The following MZT2B variants were observed in gnomAD, a reference collection of about 807,000 sequenced individuals.
The protein encoded by MZT2B is mitotic spindle organizing protein 2B, also known as mitotic-spindle organizing protein 2B.
Under a neutral mutation model 12.1 loss-of-function variants are expected in MZT2B, and 11 were observed. The observed-to-expected ratio is 0.91, with a 90% CI of 0.57 to 1.50. MZT2B has a LOEUF of 1.50. Among genes scored for constraint, MZT2B ranks in the 40% most tolerant of loss-of-function variants. The pLI is 0.00. For missense variants in MZT2B, 209 were observed against 227.7 expected, an observed-to-expected ratio of 0.92 and a Z score of 0.53; for synonymous variants, 85 against 109.5, an observed-to-expected ratio of 0.78 and a Z score of 1.40.
chr2:130,187,831 TTAAAG>T (rs1347715537), intron 2 of MZT2B, among the ~76,000 whole-genome samples: 1 of 152,078 alleles, frequency 6.6e-6, no homozygotes, highest in Non-Finnish European at 1.5e-5. Context: ...CAGTTATGGC[TTAAAG>T]TTATGTTGGT....
chr2:130,182,495 C>T (rs1341693871), intron 1 of MZT2B, 43 bp downstream of exon 1: 1 of 1,540,884 alleles, frequency 6.5e-7, no homozygotes, highest in Non-Finnish European at 8.8e-7. Flanking sequence ...CAGACACCCC[C>T]CGACCTCTGC....
rs370291415 is a variant in MZT2B, at chr2:130,190,524, C to G, written c.375C>G (p.Ser125Arg). Residue 125 changes from serine (S) to arginine (R), a missense_variant, in exon 3 of 3, where the codon AGC becomes AGG. Coordinates refer to ENST00000281871, the MANE Select transcript of MZT2B (RefSeq NM_025029.5). ...GAGCATTGGCCCTGGCGGAACGCAG[C>G]AGCCGCGAAGGATCCAGCCAGAGGA... ...LGGALALAER[S>R]SREGSSQRMP... is the part of the protein sequence containing the mutation. The G allele has an allele frequency of 1.2e-6, 2 of 1,613,728 alleles. No homozygotes were observed. The highest frequency in any genetic ancestry group is 1.3e-5 in the African/African-American group (1 of 74,934).
chr2:130,181,830 C>G (rs1238610301), upstream of MZT2B: 4 of 1,543,226 alleles, frequency 2.6e-6, no homozygotes, highest in African/African-American at 4.1e-5. Flanking sequence ...TCCGCGTGCG[C>G]GTAAGCAGTA....
In MZT2B at chr2:130,182,275, C is replaced by T; in HGVS notation, c.-8C>T. 1 of 1,310,538 alleles carries T rather than the reference C, an allele frequency of 7.6e-7. No individual in the cohort carries two copies. Among genetic ancestry groups the T allele is most frequent in the Non-Finnish European group, 9.6e-7 (1 of 1,038,978 alleles). 81.2% of individuals were successfully genotyped at this position (1,310,538 alleles called of 1,614,324 possible). A position where few individuals can be genotyped will look rare whatever the true frequency, so the allele number is the denominator to read the frequency against. ...GGGGCGGAGCGCACCTTTCCGCGGG[C>T]CGCGGGGATGGCGGCGCAGGGCGTA... On this transcript the variant is annotated 5_prime_UTR_variant, in exon 1 of 3. Coordinates refer to ENST00000281871, the MANE Select transcript of MZT2B (RefSeq NM_025029.5).
At chr2:130,183,053 T>A in intron 2 of MZT2B, 1 of 565,394 alleles carries the variant, frequency 1.8e-6, no homozygotes, top group Non-Finnish European at 3.1e-6. Flanking sequence ...CACTCAGGCC[T>A]TCATCCTACA....
chr2:130,203,125 A>G, the MZT2B span, among the ~76,000 whole-genome samples: 1 of 140,926 alleles, frequency 7.1e-6, no homozygotes, highest in East Asian at 2.1e-4. Context: ...CTCACTGCAT[A>G]GGCTCTGTTT....
At chr2:130,197,507 AAG>A in the MZT2B span, among the ~76,000 whole-genome samples, 3 of 108,580 alleles carry the variant, frequency 2.8e-5, no homozygotes, top group African/African-American at 4.4e-5. Context: ...AAAAAAAAAA[AAG>A]AAAAGAAAAG....
chr2:130,195,829 C>T, the MZT2B span, among the ~76,000 whole-genome samples: 2 of 152,342 alleles, frequency 1.3e-5, no homozygotes, highest in African/African-American at 2.4e-5. Context: ...GCACAGCATT[C>T]GGGAGGGAAC....
intron 2 of MZT2B, chr2:130,182,978 G>T: frequency 1.1e-6 from 1 of 870,046 alleles, no homozygotes; most frequent in Non-Finnish European, 1.7e-6. Flanking sequence ...GGTGGACGCA[G>T]AGTGCGTACC....
intron 2 of MZT2B, among the ~76,000 whole-genome samples, chr2:130,186,121 A>G (rs1307648627): frequency 6.7e-6 from 1 of 149,896 alleles, no homozygotes; most frequent in African/African-American, 2.4e-5. Flanking sequence ...TAATGGCAGA[A>G]TCTGGGGTGG....
At chr2:130,199,042 A>G in the MZT2B span, among the ~76,000 whole-genome samples, 8 of 121,262 alleles carry the variant, frequency 6.6e-5, 1 homozygote, top group South Asian at 2.9e-4. Flanking sequence ...GTGAAAACCC[A>G]TCTCTACTAA....
chr2:130,190,721 C>A lies in MZT2B; in HGVS notation c.*95C>A. Reference sequence around the variant, plus strand: ...AAACCTTTCTGAGATGCAGAGGGTCCAGGTCAGATGTTGTCTACCGTTTTT... The same window carrying A: ...AAACCTTTCTGAGATGCAGAGGGTCAAGGTCAGATGTTGTCTACCGTTTTT... On this transcript the variant is annotated 3_prime_UTR_variant, in exon 3 of 3. Transcript: ENST00000281871. 2 of 1,484,954 alleles carry A rather than the reference C, an allele frequency of 1.3e-6. No homozygotes were observed. Among genetic ancestry groups the A allele is most frequent in the East Asian group, 2.4e-5 (1 of 42,056 alleles). 92.0% of individuals were successfully genotyped at this position (1,484,954 alleles called of 1,614,324 possible).
At chr2:130,191,343 C>T (rs995691527), downstream of MZT2B, among the ~76,000 whole-genome samples, 3 of 151,312 alleles carry the variant, frequency 2.0e-5, no homozygotes, top group Non-Finnish European at 4.4e-5. Flanking sequence ...GTGTGGAACT[C>T]GGTTAATATT....
downstream of MZT2B, chr2:130,192,215 G>C (rs1220467532): frequency 6.6e-7 from 1 of 1,521,268 alleles, no homozygotes; most frequent in Non-Finnish European, 8.8e-7. Context: ...AAGACACCCT[G>C]TAGGTGACAC....
chr2:130,186,171 G>A (rs189810895), intron 2 of MZT2B, among the ~76,000 whole-genome samples: 10 of 152,102 alleles, frequency 6.6e-5, no homozygotes, highest in Admixed American at 6.5e-4. Context: ...CGGCTGGGGG[G>A]CATGGAGGCC....
At chr2:130,185,322 A>AAAG (rs1553443288) in intron 2 of MZT2B, among the ~76,000 whole-genome samples, 2 of 150,768 alleles carry the variant, frequency 1.3e-5, no homozygotes, top group African/African-American at 4.9e-5. Context: ...AAAAAAAAAA[A>AAAG]AAACTAGCCA....
At chr2:130,202,199 C>T in the MZT2B span, 1 of 748,164 alleles carries the variant, frequency 1.3e-6, no homozygotes, top group Non-Finnish European at 1.9e-6. Flanking sequence ...ATTTAGTATA[C>T]AGCACTAAAA....
chr2:130,189,543 C>T (rs1690182675), intron 2 of MZT2B, among the ~76,000 whole-genome samples: 2 of 152,148 alleles, frequency 1.3e-5, no homozygotes, highest in African/African-American at 4.8e-5. Context: ...AGGCCAGACC[C>T]TGCCAGGCCA....
chr2:130,182,564 T>G, intron 1 of MZT2B, 63 bp from the exon 2 acceptor site: 1 of 1,567,286 alleles, frequency 6.4e-7, no homozygotes, highest in Non-Finnish European at 8.6e-7. Flanking sequence ...CCTTGTCGGG[T>G]CTTCAGGGAG....
Sources: gnomAD v4.1 joint callset for allele counts (sites outside exome capture counted in the v4.1 genomes callset) on GRCh38, gnomAD v4.1.1 for gene constraint, MANE v1.5 for transcripts, NCBI Gene and HGNC (gene_info 2026-07-23, HGNC 2026-07-21) for gene names.